The following UBXN7 variants were observed in gnomAD, a reference collection of about 807,000 sequenced individuals.
UBXN7 encodes the protein UBX domain-containing protein 7.
Under a neutral mutation model 58.0 loss-of-function variants are expected in UBXN7, and 9 were observed. That is an observed-to-expected ratio of 0.16 (90% CI 0.09 to 0.27). The LOEUF (loss-of-function observed/expected upper bound fraction) is 0.27, where lower values mean the gene tolerates loss of function less well. Ranked by LOEUF, UBXN7 falls within the 10% of genes least tolerant of loss-of-function variation. The pLI is 1.00. For synonymous variants in UBXN7, 208 were observed against 205.0 expected (o/e 1.01, Z -0.12); for missense variants, 328 against 599.6 (o/e 0.55, Z 4.73).
chr3:196,384,465 C>T (rs958730898), intron 5 of UBXN7, among the ~76,000 whole-genome samples: 49 of 152,186 alleles, frequency 3.2e-4, no homozygotes, highest in Non-Finnish European at 6.6e-4. Context: ...CCAACATCAT[C>T]CTGATACCAA....
rs1342726507 is a variant in UBXN7, at chr3:196,351,124, A to G, written c.*5561T>C. ...GGTAAGAATGACATAATAAAGATAC[A>G]TTCTGTGGAATAAAAAACATTTTTA... On this transcript the variant is annotated 3_prime_UTR_variant, in exon 11 of 11. Transcript: ENST00000296328. The G allele has an allele frequency of 5.3e-5, 8 of 152,250 alleles. No individual in the cohort carries two copies. The highest frequency in any genetic ancestry group is 5.2e-4 in the Admixed American group (8 of 15,282). The allele number at this position is 152,250 out of a possible 1,614,324, so 9.4% of individuals were successfully genotyped here.
intron 6 of UBXN7, 70 bp downstream of exon 6, chr3:196,371,826 T>A (rs1457522007): frequency 4.5e-6 from 7 of 1,547,230 alleles, no homozygotes; most frequent in Non-Finnish European, 6.1e-6. Context: ...ATAACCCAAT[T>A]CCTTTCCCTC....
chr3:196,367,986 A>G, intron 8 of UBXN7, 42 bp downstream of exon 8: 2 of 1,600,350 alleles, frequency 1.2e-6, no homozygotes, highest in Non-Finnish European at 1.7e-6. Context: ...CTTATGACCA[A>G]TTACATTTAT....
At position 196,354,997 on chromosome 3, in the gene UBXN7, T is replaced by G. The variant is rs1728306294; in HGVS notation, c.*1688A>C. The G allele has an allele frequency of 6.6e-6, 1 of 152,162 alleles. No individual in the cohort carries two copies. Among genetic ancestry groups the G allele is most frequent in the Admixed American group, 6.5e-5 (1 of 15,282 alleles). 9.4% of individuals were successfully genotyped at this position (152,162 alleles called of 1,614,324 possible). A position where few individuals can be genotyped will look rare whatever the true frequency, so the allele number is the denominator to read the frequency against. Reference sequence around the variant, plus strand: ...CCTTGAGGAGATATAAAACTCATTCTTTAGGGAGAGTTCCTCAAAATTCAA... The same window carrying G: ...CCTTGAGGAGATATAAAACTCATTCGTTAGGGAGAGTTCCTCAAAATTCAA... On this transcript the variant is annotated 3_prime_UTR_variant, in exon 11 of 11. Coordinates refer to ENST00000296328, the MANE Select transcript of UBXN7 (RefSeq NM_015562.2).
intron 1 of UBXN7, among the ~76,000 whole-genome samples, chr3:196,418,867 G>A (rs1730587380): frequency 6.6e-6 from 1 of 152,158 alleles, no homozygotes; most frequent in African/African-American, 2.4e-5. Flanking sequence ...TAGAGGATAG[G>A]GAAAGACTAC....
At chr3:196,422,715 C>T (rs535787419) in intron 1 of UBXN7, among the ~76,000 whole-genome samples, 2 of 152,212 alleles carry the variant, frequency 1.3e-5, no homozygotes, top group Admixed American at 1.3e-4. Context: ...AATTATTTGT[C>T]AGCTTCTTAG....
chr3:196,427,235 T>C (rs961341177), intron 1 of UBXN7, among the ~76,000 whole-genome samples: 3 of 152,260 alleles, frequency 2.0e-5, no homozygotes, highest in African/African-American at 4.8e-5. Context: ...GCTAATGGAA[T>C]ACTGCCATGG....
intron 5 of UBXN7, among the ~76,000 whole-genome samples, chr3:196,377,072 A>G (rs1303109666): frequency 1.3e-5 from 2 of 151,754 alleles, no homozygotes; most frequent in Non-Finnish European, 2.9e-5. Context: ...AGGAAGAAAT[A>G]TTACCGAAAT....
intron 2 of UBXN7, among the ~76,000 whole-genome samples, chr3:196,405,464 C>T (rs1325858993): frequency 3.2e-5 from 4 of 126,332 alleles, no homozygotes; most frequent in Middle Eastern, 3.6e-3. Flanking sequence ...AGAGAGACTC[C>T]GTCTCAAAAA....
At chr3:196,430,107 C>A (rs1266496593) in intron 1 of UBXN7, among the ~76,000 whole-genome samples, 1 of 152,084 alleles carries the variant, frequency 6.6e-6, no homozygotes, top group Non-Finnish European at 1.5e-5. Flanking sequence ...GTAATCCTAG[C>A]ACTTTGGGAG....
intron 1 of UBXN7, among the ~76,000 whole-genome samples, chr3:196,420,734 T>C (rs957172091): frequency 7.9e-5 from 12 of 152,142 alleles, no homozygotes; most frequent in Non-Finnish European, 1.8e-4. Flanking sequence ...TGCTACTGAA[T>C]GGCACCAAAC....
intron 5 of UBXN7, among the ~76,000 whole-genome samples, chr3:196,390,903 G>GA (rs1396261162): frequency 6.6e-6 from 1 of 152,100 alleles, no homozygotes; most frequent in Non-Finnish European, 1.5e-5. Flanking sequence ...TAACATATGT[G>GA]TTCCTCCTAA....
At chr3:196,428,545 T>A (rs1464154946) in intron 1 of UBXN7, among the ~76,000 whole-genome samples, 1 of 152,102 alleles carries the variant, frequency 6.6e-6, no homozygotes, top group African/African-American at 2.4e-5. Flanking sequence ...GAAGATAATA[T>A]GTAAAATAAA....
At chr3:196,370,293 G>C (rs1162083920) in intron 6 of UBXN7, among the ~76,000 whole-genome samples, 1 of 114,876 alleles carries the variant, frequency 8.7e-6, no homozygotes, top group African/African-American at 3.1e-5. Flanking sequence ...TTGTTTGTTT[G>C]TTTTTAAATT....
At chr3:196,370,886 G>A (rs1728812286) in intron 6 of UBXN7, among the ~76,000 whole-genome samples, 1 of 151,242 alleles carries the variant, frequency 6.6e-6, no homozygotes, top group Non-Finnish European at 1.5e-5. Context: ...AAAATTATAT[G>A]GGCATAGTGG....
chr3:196,356,880 CGGAAAAAGA>C, intron 10 of UBXN7, 34 bp from the exon 11 acceptor site: 1 of 1,585,442 alleles, frequency 6.3e-7, no homozygotes, highest in Non-Finnish European at 8.5e-7. Context: ...AGCCATTAGA[CGGAAAAAGA>C]GGAAAGAGCA....
intron 2 of UBXN7, among the ~76,000 whole-genome samples, chr3:196,406,043 T>G (rs1326686068): frequency 6.6e-6 from 1 of 152,006 alleles, no homozygotes; most frequent in Non-Finnish European, 1.5e-5. Context: ...TTTGTTTTTT[T>G]TTTGAGACAG....
At position 196,368,043 on chromosome 3, in the gene UBXN7, T is replaced by C. The variant is rs779418388; in HGVS notation, c.819A>G (p.Lys273=). 2.5e-6 allele frequency: 4 copies of C among 1,613,352 alleles called. No individual in the cohort carries two copies. Among genetic ancestry groups the C allele is most frequent in the Non-Finnish European group, 3.4e-6 (4 of 1,179,758 alleles). The change falls in exon 8 of 11, where the codon AAA becomes AAG. Residue 273 remains lysine, a synonymous_variant. Coordinates refer to ENST00000296328, the MANE Select transcript of UBXN7 (RefSeq NM_015562.2). Reference sequence around the variant, plus strand: ...TTATACTTACTGAACGGGCACATTTTTTGGGGGGACTGCTAGAAAGTCCAT... The same window carrying C: ...TTATACTTACTGAACGGGCACATTTCTTGGGGGGACTGCTAGAAAGTCCAT... ...QLDGLSSSPP[K]KCARSESLID... is the part of the protein sequence containing the mutation.
chr3:196,362,958 C>G (rs937593924), intron 8 of UBXN7, among the ~76,000 whole-genome samples: 57 of 151,950 alleles, frequency 3.8e-4, no homozygotes, highest in Non-Finnish European at 2.8e-4. Context: ...GGCTGGAGTG[C>G]AGTGGCACGA....
Sources: gnomAD v4.1 joint callset for allele counts (sites outside exome capture counted in the v4.1 genomes callset) on GRCh38, gnomAD v4.1.1 for gene constraint, MANE v1.5 for transcripts, NCBI Gene and HGNC (gene_info 2026-07-23, HGNC 2026-07-21) for gene names.